The following PCDHA1 variants were observed in gnomAD, a reference collection of about 807,000 sequenced individuals.
PCDHA1 encodes protocadherin alpha-1.
In PCDHA1, 42 loss-of-function variants were observed where a neutral mutation model predicts 61.3. The observed-to-expected ratio is 0.69, with a 90% CI of 0.54 to 0.89. The LOEUF (loss-of-function observed/expected upper bound fraction) is 0.89, where lower values mean the gene tolerates loss of function less well. Among genes scored for constraint, PCDHA1 ranks in the 40% least tolerant of loss-of-function variants. The pLI is 0.00. For missense variants in PCDHA1, 1,256 were observed against 1,235.3 expected (o/e 1.02, Z -0.25); for synonymous variants, 610 against 553.8 (o/e 1.10, Z -1.43).
chr5:140,880,889 G>T (rs1554171573), intron 1 of PCDHA1, among the ~76,000 whole-genome samples: 1 of 152,130 alleles, frequency 6.6e-6, no homozygotes, highest in Admixed American at 6.6e-5. Context: ...GAAATGTAGG[G>T]CCAGATAGAA....
In PCDHA1 at chr5:140,791,845, T is replaced by G. The variant is rs186431822; in HGVS notation, c.2394+3161T>G. On this transcript the variant is annotated intron_variant, in intron 1 of 3. Coordinates refer to ENST00000504120, the MANE Select transcript of PCDHA1 (RefSeq NM_018900.4). ...TTTTTCTTCTGGGGTCTTCTAGTAG[T>G]TTTGTGAAAGACTAGGTTGAAGGTT... 2.6e-5 allele frequency among the ~76,000 whole-genome samples: 4 copies of G among 152,274 alleles called. No homozygotes were observed. The East Asian group carries it at 7.7e-4, about 29-fold the overall frequency.
chr5:140,796,631 T>G, intron 1 of PCDHA1: 1 of 1,610,512 alleles, frequency 6.2e-7, no homozygotes. Context: ...GTGTTCGTGC[T>G]GGACGAGAAC....
At chr5:140,876,820 G>A in intron 1 of PCDHA1, 2 of 1,614,214 alleles carry the variant, frequency 1.2e-6, no homozygotes, top group Non-Finnish European at 1.7e-6. Context: ...CGACGTGAAC[G>A]ACAATGCGCC....
chr5:140,794,481 G>A (rs1554119115), intron 1 of PCDHA1, among the ~76,000 whole-genome samples: 1 of 152,208 alleles, frequency 6.6e-6, no homozygotes, highest in African/African-American at 2.4e-5. Context: ...ACCAGAGACT[G>A]GAGTGACGGT....
intron 1 of PCDHA1, chr5:140,823,465 C>T (rs1554129364): frequency 2.5e-6 from 4 of 1,613,368 alleles, no homozygotes. Context: ...CGCGCCGGCG[C>T]TGCTGGTGCC....
chr5:140,842,857 G>A, intron 1 of PCDHA1: 1 of 1,594,002 alleles, frequency 6.3e-7, no homozygotes, highest in East Asian at 2.2e-5. Context: ...CGGTGCACAC[G>A]GAGAGCGGCA....
chr5:140,985,606 C>A (rs1008038466), intron 3 of PCDHA1, among the ~76,000 whole-genome samples: 1 of 152,300 alleles, frequency 6.6e-6, no homozygotes, highest in South Asian at 2.1e-4. Context: ...AGAGCCCTTT[C>A]CGTGAACCAG....
At chr5:140,969,149 G>T (rs782510891) in intron 1 of PCDHA1, 9 of 1,614,120 alleles carry the variant, frequency 5.6e-6, no homozygotes, top group Admixed American at 1.7e-5. Context: ...CTGCTACAAG[G>T]CCTGTCTGAC....
intron 1 of PCDHA1, among the ~76,000 whole-genome samples, chr5:140,913,757 T>C (rs577091404): frequency 6.6e-6 from 1 of 152,282 alleles, no homozygotes; most frequent in South Asian, 2.1e-4. Context: ...TTGTATCTCA[T>C]AGGTTTTGGC....
chr5:140,884,443 A>G (rs568353165), intron 1 of PCDHA1: 2 of 1,613,454 alleles, frequency 1.2e-6, no homozygotes, highest in South Asian at 2.2e-5. Flanking sequence ...GGTGCTCGGC[A>G]CCGCCCACCG....
intron 1 of PCDHA1, among the ~76,000 whole-genome samples, chr5:140,951,383 G>A (rs782698893): frequency 1.2e-4 from 19 of 152,064 alleles, no homozygotes; most frequent in Non-Finnish European, 2.6e-4. Flanking sequence ...CCAAGACTCG[G>A]TAATTTATAA....
intron 1 of PCDHA1, chr5:140,884,703 A>C: frequency 1.3e-6 from 2 of 1,495,534 alleles, no homozygotes; most frequent in Non-Finnish European, 1.8e-6. Flanking sequence ...TAAACACTTT[A>C]GCCTTCCTTG....
At chr5:140,974,879 A>G (rs1259634156) in intron 1 of PCDHA1, among the ~76,000 whole-genome samples, 1 of 152,212 alleles carries the variant, frequency 6.6e-6, no homozygotes, top group Non-Finnish European at 1.5e-5. Flanking sequence ...CAGTCTATGT[A>G]TCCCTTTTCT....
intron 1 of PCDHA1, among the ~76,000 whole-genome samples, chr5:140,907,888 C>G (rs1441879791): frequency 6.6e-6 from 1 of 152,234 alleles, no homozygotes; most frequent in Non-Finnish European, 1.5e-5. Flanking sequence ...ACATGGGATA[C>G]AAATATCTTC....
chr5:140,871,316 T>C, intron 1 of PCDHA1: 1 of 1,614,034 alleles, frequency 6.2e-7, no homozygotes, highest in South Asian at 1.1e-5. Context: ...AAGCCCACGC[T>C]GGTGTGCTCC....
rs2150413106 is a variant in PCDHA1, at chr5:140,848,576, GA to G, written c.2394+59893del. The G allele has an allele frequency of 8.8e-6, 14 of 1,595,434 alleles. No homozygotes were observed. The Admixed American group carries it at 2.0e-4, about 23-fold the overall frequency. On this transcript the variant is annotated intron_variant, in intron 1 of 3. Transcript: ENST00000504120. Reference sequence around the variant, plus strand: ...TGATCCTCGCAATGTGGGTGGTGGGGAGCGGCCAGCTCCACTACTCCGTCCC... The same window carrying G: ...TGATCCTCGCAATGTGGGTGGTGGGGGCGGCCAGCTCCACTACTCCGTCCC...
chr5:140,887,309 G>T (rs2061400609), intron 1 of PCDHA1, among the ~76,000 whole-genome samples: 1 of 152,182 alleles, frequency 6.6e-6, no homozygotes, highest in South Asian at 2.1e-4. Flanking sequence ...TGTTAGCCAG[G>T]ATAGTCTCGA....
Position 140,899,596 on chromosome 5 carries a change from G to A in PCDHA1, c.2395-79353G>A, listed in dbSNP as rs567280301. On this transcript the variant is annotated intron_variant, in intron 1 of 3. Transcript: ENST00000504120. ...ATTCGGTTTGCCAGTATTTTATTGA[G>A]GACTTTTGCATCAATGTTCATCAAG... Among the ~76,000 whole-genome samples the A allele has an allele frequency of 7.2e-5, 11 of 152,196 alleles. No individual in the cohort carries two copies. In the East Asian group the frequency reaches 2.1e-3, roughly 29 times the overall value.
chr5:140,850,216 A>C lies in PCDHA1; in HGVS notation c.2394+61532A>C. 5 of 1,593,446 alleles carry C rather than the reference A, an allele frequency of 3.1e-6. No individual in the cohort carries two copies. The East Asian group carries it at 1.1e-4, about 36-fold the overall frequency. ...CTGACACCTCGGATGAGGGGCACTG[A>C]CGGCGCAGTGAGCGAGATGGTGCTG... On this transcript the variant is annotated intron_variant, in intron 1 of 3. Transcript: ENST00000504120.
Sources: allele counts gnomAD v4.1 joint callset (sites outside exome capture counted in the v4.1 genomes callset), GRCh38; gene constraint gnomAD v4.1.1; transcripts MANE v1.5; gene names NCBI Gene and HGNC (gene_info 2026-07-23, HGNC 2026-07-21).